Variants in KLF12 observed in about 807,000 individuals in gnomAD.
KLF12 encodes KLF transcription factor 12.
A neutral mutation model predicts 37.8 loss-of-function variants in KLF12; 9 were observed. That is an observed-to-expected ratio of 0.24 (90% CI 0.14 to 0.42). KLF12 has a LOEUF of 0.42. Ranked by LOEUF, KLF12 falls within the 10% of genes least tolerant of loss-of-function variation. The pLI, the probability that KLF12 is intolerant of heterozygous loss-of-function variation, is 1.00. For missense variants in KLF12, 411 were observed against 516.0 expected (o/e 0.80, Z 1.97); for synonymous variants, 208 against 202.1 (o/e 1.03, Z -0.25).
intron 1 of KLF12, among the ~76,000 whole-genome samples, chr13:74,053,540 G>A (rs568369522): frequency 4.4e-4 from 67 of 152,164 alleles, no homozygotes; most frequent in South Asian, 1.0e-3. Context: ...TTAAAAGCCC[G>A]CTCAAAGACA....
the KLF12 span, among the ~76,000 whole-genome samples, chr13:74,300,374 T>A: frequency 2.0e-5 from 3 of 152,168 alleles, no homozygotes; most frequent in Non-Finnish European, 4.4e-5. Context: ...CATAATAACA[T>A]GAACAAGAAT....
chr13:74,283,207 G>A, the KLF12 span, among the ~76,000 whole-genome samples: 2 of 152,168 alleles, frequency 1.3e-5, no homozygotes, highest in Admixed American at 1.3e-4. Context: ...GTTTGAAAAT[G>A]TCTTCCAAAA....
chr13:73,895,340 T>G (rs1887713623), intron 3 of KLF12, among the ~76,000 whole-genome samples: 1 of 152,212 alleles, frequency 6.6e-6, no homozygotes, highest in African/African-American at 2.4e-5. Context: ...AGTTAAGTAG[T>G]TTTTCCAATG....
the KLF12 span, among the ~76,000 whole-genome samples, chr13:74,255,104 A>T: frequency 6.6e-6 from 1 of 152,236 alleles, no homozygotes; most frequent in Non-Finnish European, 1.5e-5. Context: ...TTAGAAATTT[A>T]GCATTAAAAA....
the KLF12 span, among the ~76,000 whole-genome samples, chr13:74,191,150 T>G: frequency 6.6e-6 from 1 of 152,220 alleles, no homozygotes; most frequent in African/African-American, 2.4e-5. Context: ...GAACTCTCTC[T>G]CTAATGAATT....
chr13:73,907,563 C>T (rs1219027519), intron 3 of KLF12, among the ~76,000 whole-genome samples: 1 of 152,140 alleles, frequency 6.6e-6, no homozygotes, highest in Non-Finnish European at 1.5e-5. Context: ...ATTCAAAAAA[C>T]ATGAAAGATC....
At chr13:74,025,290 A>G (rs983199115) in intron 1 of KLF12, among the ~76,000 whole-genome samples, 1 of 152,032 alleles carries the variant, frequency 6.6e-6, no homozygotes, top group African/African-American at 2.4e-5. Flanking sequence ...GTTTAATAAC[A>G]GCAGTAAGAT....
intron 1 of KLF12, among the ~76,000 whole-genome samples, chr13:74,127,928 T>C (rs1878034505): frequency 6.6e-6 from 1 of 152,214 alleles, no homozygotes; most frequent in African/African-American, 2.4e-5. Flanking sequence ...TTATAGTATA[T>C]CACAAATTTA....
chr13:73,861,800 T>A (rs996197514), intron 3 of KLF12, among the ~76,000 whole-genome samples: 1 of 152,200 alleles, frequency 6.6e-6, no homozygotes, highest in African/African-American at 2.4e-5. Context: ...GGTATGTGAA[T>A]ACGGCTTAGG....
intron 3 of KLF12, among the ~76,000 whole-genome samples, chr13:73,873,652 C>A (rs1886577237): frequency 6.6e-6 from 1 of 152,048 alleles, no homozygotes; most frequent in African/African-American, 2.4e-5. Flanking sequence ...TCAGCCTTAA[C>A]TCTTTAGTGA....
chr13:73,823,866 A>G (rs900574951), intron 4 of KLF12, among the ~76,000 whole-genome samples: 3 of 152,070 alleles, frequency 2.0e-5, no homozygotes, highest in African/African-American at 4.8e-5. Flanking sequence ...GCATGCCACC[A>G]TGCCCAGATT....
At chr13:73,799,189 T>C (rs994128321) in intron 5 of KLF12, among the ~76,000 whole-genome samples, 2 of 152,124 alleles carry the variant, frequency 1.3e-5, no homozygotes, top group African/African-American at 4.8e-5. Flanking sequence ...TCTTCTCACT[T>C]ACATGTGGGA....
intron 1 of KLF12, among the ~76,000 whole-genome samples, chr13:74,051,722 A>G (rs1035131764): frequency 2.0e-5 from 3 of 152,214 alleles, no homozygotes; most frequent in African/African-American, 7.2e-5. Flanking sequence ...AAACAGAAGT[A>G]GGATCAAGTA....
chr13:74,299,847 A>G, the KLF12 span, among the ~76,000 whole-genome samples: 7 of 152,312 alleles, frequency 4.6e-5, no homozygotes, highest in African/African-American at 1.7e-4. Flanking sequence ...TGCATCCCCA[A>G]GCCTCTAGCT....
chr13:74,098,589 G>C (rs1179326975), intron 1 of KLF12, among the ~76,000 whole-genome samples: 1 of 152,098 alleles, frequency 6.6e-6, no homozygotes, highest in African/African-American at 2.4e-5. Context: ...TAATACCCTA[G>C]AGCCCTAGAG....
chr13:74,267,353 C>T, the KLF12 span, among the ~76,000 whole-genome samples: 1 of 152,104 alleles, frequency 6.6e-6, no homozygotes, highest in Non-Finnish European at 1.5e-5. Context: ...ACTAAGTGTC[C>T]ATCAACTGAT....
At chr13:73,886,635 TGAAAA>T (rs1887234414) in intron 3 of KLF12, among the ~76,000 whole-genome samples, 1 of 151,802 alleles carries the variant, frequency 6.6e-6, no homozygotes, top group Non-Finnish European at 1.5e-5. Flanking sequence ...TAAAAGTTGA[TGAAAA>T]GAAAAAAGAC....
intron 1 of KLF12, among the ~76,000 whole-genome samples, chr13:74,121,052 C>A (rs747151581): frequency 2.0e-5 from 3 of 152,138 alleles, no homozygotes; most frequent in Non-Finnish European, 4.4e-5. Flanking sequence ...CCAAAACACT[C>A]CAAATAAAAG....
the KLF12 span, among the ~76,000 whole-genome samples, chr13:74,276,144 A>G: frequency 6.0e-4 from 91 of 151,636 alleles, no homozygotes; most frequent in African/African-American, 2.0e-3. Flanking sequence ...CTACTCCCCA[A>G]CAGGCCCCAG....
Sources: gnomAD v4.1 joint callset for allele counts (sites outside exome capture counted in the v4.1 genomes callset) on GRCh38, gnomAD v4.1.1 for gene constraint, MANE v1.5 for transcripts, NCBI Gene and HGNC (gene_info 2026-07-23, HGNC 2026-07-21) for gene names.